Variants in SECISBP2L observed in about 807,000 individuals in gnomAD.
The protein encoded by SECISBP2L is SECIS binding protein 2 like.
In SECISBP2L, 43 loss-of-function variants were observed where a neutral mutation model predicts 114.7. That is an observed-to-expected ratio of 0.38 (90% CI 0.29 to 0.48). The LOEUF (loss-of-function observed/expected upper bound fraction) is 0.48. Among genes scored for constraint, SECISBP2L ranks in the 20% least tolerant of loss-of-function variants. The pLI, the probability that SECISBP2L is intolerant of heterozygous loss-of-function variation, is 0.98. For missense variants in SECISBP2L, 1,136 were observed against 1,301.1 expected (o/e 0.87, Z 1.95); for synonymous variants, 451 against 439.7 (o/e 1.03, Z -0.32).
rs572591866 is a variant in SECISBP2L at position 48,999,570 on chromosome 15, T to C, written c.2403+263A>G. On this transcript the variant is annotated intron_variant, in intron 16 of 17. Transcript: ENST00000559471. ...CAGTAAAATAAATTACCAAGTACTA[T>C]GCAGTTGAGCCTGGAAGAAAAAAAC... is the stretch of plus-strand genomic sequence containing the variant. Among the ~76,000 whole-genome samples, 3 of 152,284 alleles carry C rather than the reference T, an allele frequency of 2.0e-5. No homozygotes were observed. The East Asian group carries it at 5.8e-4, about 29-fold the overall frequency.
At position 49,026,358 on chromosome 15, in the gene SECISBP2L, A is replaced by C. The variant is rs142836503; in HGVS notation, c.1035+1007T>G. ...AATAATTTAATGTTTATTTTCAAAT[A>C]GGGGACAGGATTCTGAATGTTCCCA... On this transcript the variant is annotated intron_variant, in intron 7 of 17. Coordinates refer to ENST00000559471, the MANE Select transcript of SECISBP2L (RefSeq NM_001193489.2). Among the ~76,000 whole-genome samples the C allele has an allele frequency of 8.5e-4, 129 of 152,312 alleles. 1 individual carries two copies. Among genetic ancestry groups the C allele is most frequent in the African/African-American group, 3.0e-3 (123 of 41,572 alleles).
rs939174083 is a variant in SECISBP2L at position 48,989,521 on chromosome 15, C to A, written c.*2723G>T. On this transcript the variant is annotated 3_prime_UTR_variant, in exon 18 of 18. Coordinates refer to ENST00000559471, the MANE Select transcript of SECISBP2L (RefSeq NM_001193489.2). Reference sequence around the variant, plus strand: ...AGAAATATATTACATCATTTACAAACATATTTAAACCGAAAATTAAGCTAA... The same window carrying A: ...AGAAATATATTACATCATTTACAAAAATATTTAAACCGAAAATTAAGCTAA... 6.6e-6 allele frequency: 1 copy of A among 152,534 alleles called. No homozygotes were observed. The highest frequency in any genetic ancestry group is 2.4e-5 in the African/African-American group (1 of 41,420). 9.4% of individuals were successfully genotyped at this position (152,534 alleles called of 1,614,324 possible). A position where few individuals can be genotyped will look rare whatever the true frequency, so the allele number is the denominator to read the frequency against.
intron 14 of SECISBP2L, among the ~76,000 whole-genome samples, chr15:49,004,365 T>C (rs1329065769): frequency 6.6e-6 from 1 of 152,206 alleles, no homozygotes; most frequent in East Asian, 1.9e-4. Flanking sequence ...ATTTTGTTAA[T>C]CTTTTCAAAA....
chr15:48,996,723 C>T lies in SECISBP2L; in HGVS notation c.2404-137G>A. ...GACAAAATCCAAATGGTATGCAAAC[C>T]ACAGAACCTTATGAAATTACTCTGT... On this transcript the variant is annotated intron_variant, in intron 16 of 17. Transcript: ENST00000559471. 3 of 680,698 alleles carry T rather than the reference C, an allele frequency of 4.4e-6. No individual in the cohort carries two copies. In the South Asian group the frequency reaches 5.7e-5, roughly 13 times the overall value. The allele number at this position is 680,698 out of a possible 1,614,324, so 42.2% of individuals were successfully genotyped here.
Position 48,992,909 on chromosome 15 carries a change from T to G in SECISBP2L, c.2641A>C (p.Met881Leu). 1 of 1,611,820 alleles carries G rather than the reference T, an allele frequency of 6.2e-7. No individual in the cohort carries two copies. The highest frequency in any genetic ancestry group is 8.5e-7 in the Non-Finnish European group (1 of 1,178,322). The change falls in exon 18 of 18, where the codon ATG (methionine) becomes CTG (leucine). Residue 881 changes from methionine (M) to leucine (L), a missense_variant. Physicochemically the swap from Met to Leu is conservative, Grantham distance 15 (BLOSUM62 2). This residue lies in a region of SECISBP2L where 684 missense variants were observed against 848.7 expected (regional missense o/e 0.81). Coordinates refer to ENST00000559471, the MANE Select transcript of SECISBP2L (RefSeq NM_001193489.2). ...TCCAGTCCATCTGAAGTTTCCACCA[T>G]GTTTCTCCAATTTGTTTCTACAAGT... ...EKEYETNWRN[M>L]VETSDGLEAS...
rs1902598970 is a variant in SECISBP2L at position 49,019,448 on chromosome 15, G to A, written c.1140C>T (p.Ser380=). The A allele has an allele frequency of 4.8e-6, 7 of 1,461,218 alleles. No individual in the cohort carries two copies. Among genetic ancestry groups the A allele is most frequent in the South Asian group, 2.8e-5 (2 of 71,022 alleles). The allele number at this position is 1,461,218 out of a possible 1,614,324, so 90.5% of individuals were successfully genotyped here. The change falls in exon 8 of 18, where the codon AGC becomes AGT. Residue 380 remains serine (S), a synonymous_variant. Transcript: ENST00000559471. ...AATATAAAGACTCAGAATTTGGATC[G>A]CTTCTATGGGATTGACTAGAGCTTA... The part of the protein sequence containing the change: ...KHLSSSQSHR[S]DPNSESLYFE...
chr15:49,021,457 A>T (rs1426491998), intron 7 of SECISBP2L, among the ~76,000 whole-genome samples: 1 of 152,224 alleles, frequency 6.6e-6, no homozygotes, highest in Non-Finnish European at 1.5e-5. Flanking sequence ...GCTAACAGTA[A>T]ATGCCTCTCT....
intron 14 of SECISBP2L, among the ~76,000 whole-genome samples, chr15:49,005,061 G>A (rs1902288803): frequency 6.6e-6 from 1 of 152,134 alleles, no homozygotes; most frequent in Non-Finnish European, 1.5e-5. Context: ...TGGGCGCAGT[G>A]GCTCACGCCT....
At chr15:49,017,371 G>C (rs542204711) in intron 9 of SECISBP2L, among the ~76,000 whole-genome samples, 177 bp downstream of exon 9, 1 of 152,214 alleles carries the variant, frequency 6.6e-6, no homozygotes, top group East Asian at 1.9e-4. Flanking sequence ...ATTTCATAGG[G>C]TATTATCTTT....
rs546154715 is a variant in SECISBP2L at position 49,001,101 on chromosome 15, TA to T, written c.2028-5del. 1.9e-5 allele frequency: 30 copies of T among 1,568,398 alleles called. No homozygotes were observed. Among genetic ancestry groups the T allele is most frequent in the Admixed American group, 7.9e-5 (4 of 50,920 alleles). ...ACAAAGAACCTGATTACAATACCTG[TA>T]AAAAAAAACCAAAATGGGTAACTCC... On this transcript the variant is annotated splice_polypyrimidine_tract_variant and splice_region_variant and intron_variant, in intron 14 of 17. Coordinates refer to ENST00000559471, the MANE Select transcript of SECISBP2L (RefSeq NM_001193489.2).
Position 48,993,108 on chromosome 15 carries a change from T to A in SECISBP2L, c.2624-182A>T, listed in dbSNP as rs200856230. Among the ~76,000 whole-genome samples the A allele has an allele frequency of 1.3e-3, 188 of 141,306 alleles. 1 individual carries two copies. Among genetic ancestry groups the A allele is most frequent in the East Asian group, 2.3e-3 (9 of 3,872 alleles). The allele number at this position is 141,306 out of a possible 152,430, so 92.7% of individuals were successfully genotyped here. A position where few individuals can be genotyped will look rare whatever the true frequency, so the allele number is the denominator to read the frequency against. On this transcript the variant is annotated intron_variant, in intron 17 of 17. Transcript: ENST00000559471. Reference sequence around the variant, plus strand: ...GTTTGAGACAGAGAGAGAGTGTGTGTGTGTGTGTGTGTGTGTGTGTGTGTG... The same window carrying A: ...GTTTGAGACAGAGAGAGAGTGTGTGAGTGTGTGTGTGTGTGTGTGTGTGTG...
chr15:49,046,321 C>G lies in SECISBP2L; in HGVS notation c.-22G>C. 1 of 1,538,744 alleles carries G rather than the reference C, an allele frequency of 6.5e-7. No individual in the cohort carries two copies. Among genetic ancestry groups the G allele is most frequent in the Non-Finnish European group, 8.8e-7 (1 of 1,142,388 alleles). ...CCATGGTGCCTGCAGCCGCAACGGG[C>G]CCGCGCTAGTCGGTGTAAACAGCGC... On this transcript the variant is annotated 5_prime_UTR_variant, in exon 1 of 18. Transcript: ENST00000559471.
intron 12 of SECISBP2L, among the ~76,000 whole-genome samples, chr15:49,012,223 C>T (rs562791887): frequency 2.0e-5 from 3 of 152,072 alleles, no homozygotes; most frequent in East Asian, 3.9e-4. Flanking sequence ...TATTTGGACA[C>T]GAATTATCTC....
Position 49,037,641 on chromosome 15 carries a change from G to A in SECISBP2L, c.153C>T (p.Pro51=). 6.2e-7 allele frequency: 1 copy of A among 1,613,794 alleles called. No homozygotes were observed. The highest frequency in any genetic ancestry group is 8.5e-7 in the Non-Finnish European group (1 of 1,179,856). The change falls in exon 2 of 18, where the codon CCC becomes CCT. Residue 51 remains proline, a synonymous_variant. Transcript: ENST00000559471. The part of the protein sequence containing the change: ...SVSGVEPTPI[P]SYLITCYPFV... ...ATGGGTAACAAGTAATCAGGTAGCTGGGAATTGGAGTTGGTTCCACACCAG... is the reference window on the plus strand; with the variant it reads ...ATGGGTAACAAGTAATCAGGTAGCTAGGAATTGGAGTTGGTTCCACACCAG...
chr15:49,018,402 A>G (rs982877763), intron 8 of SECISBP2L, among the ~76,000 whole-genome samples: 7 of 151,898 alleles, frequency 4.6e-5, no homozygotes, highest in Non-Finnish European at 1.0e-4. Context: ...GATTACAGGG[A>G]CCCGCCACCA....
Position 48,992,758 on chromosome 15 carries a change from G to A in SECISBP2L, c.2792C>T (p.Ser931Leu). Reference protein sequence around the residue: ...PSLVATGSTTSATSAGKSTAS... With the variant: ...PSLVATGSTTLATSAGKSTAS... ...TGTGGATTTCCCAGCACTTGTAGCT[G>A]AGGTAGTACTGCCTGTAGCCACTAA... Residue 931 changes from serine (S) to leucine (L), a missense_variant, in exon 18 of 18, where the codon TCA becomes TTA. Ser to Leu is a moderately radical substitution (Grantham distance 145). Around this residue, in one of 2 missense-constraint regions of SECISBP2L, gnomAD observed 684 missense variants for 848.7 expected, o/e 0.81. Coordinates refer to ENST00000559471, the MANE Select transcript of SECISBP2L (RefSeq NM_001193489.2). The A allele has an allele frequency of 6.2e-7, 1 of 1,614,186 alleles. No individual in the cohort carries two copies. The highest frequency in any genetic ancestry group is 8.5e-7 in the Non-Finnish European group (1 of 1,180,036).
chr15:49,035,300 C>G (rs1316978867), intron 3 of SECISBP2L, 34 bp downstream of exon 3: 6 of 1,578,974 alleles, frequency 3.8e-6, no homozygotes, highest in Non-Finnish European at 5.2e-6. Context: ...TAAGTAATAT[C>G]AAATTTAAAA....
intron 3 of SECISBP2L, among the ~76,000 whole-genome samples, chr15:49,033,633 T>A (rs1902942490): frequency 1.3e-5 from 2 of 152,064 alleles, no homozygotes. Context: ...GGTCAGGAGT[T>A]TGGGACCAGC....
chr15:49,033,021 G>C lies in SECISBP2L; in HGVS notation c.608C>G (p.Ala203Gly), dbSNP rs754114687. 6.2e-7 allele frequency: 1 copy of C among 1,614,020 alleles called. No homozygotes were observed. The highest frequency in any genetic ancestry group is 2.2e-5 in the East Asian group (1 of 44,872). The change falls in exon 4 of 18, where the codon GCA becomes GGA. Residue 203 changes from alanine to glycine, a missense_variant. Physicochemically the swap from Ala to Gly is moderately conservative, Grantham distance 60 (BLOSUM62 0). Coordinates refer to ENST00000559471, the MANE Select transcript of SECISBP2L (RefSeq NM_001193489.2). ...AATTTTTGATCGACTATCAGGACCT[G>C]CTGCATTTGTTTCTTTCTGAGTAGC... ...NVATQKETNA[A>G]GPDSRSKIVL...
Sources: gnomAD v4.1 joint callset for allele counts (sites outside exome capture counted in the v4.1 genomes callset) on GRCh38, gnomAD v4.1.1 for gene constraint, gnomAD v4.1.1 regional missense constraint, MANE v1.5 for transcripts, NCBI Gene and HGNC (gene_info 2026-07-23, HGNC 2026-07-21) for gene names.